PRORP: variants seen among roughly 807,000 people sequenced by gnomAD.
The protein encoded by PRORP is protein only RNase P catalytic subunit.
PRORP carries 51 observed loss-of-function variants against 59.4 expected under a neutral mutation model. That is an observed-to-expected ratio of 0.86 (90% CI 0.69 to 1.08). The LOEUF is 1.08. PRORP is among the 50% of genes least tolerant of loss of function. The pLI is 0.00. For missense variants in PRORP, 646 were observed against 690.3 expected, an observed-to-expected ratio of 0.94 and a Z score of 0.72; for synonymous variants, 231 against 245.6, an observed-to-expected ratio of 0.94 and a Z score of 0.55.
At chr14:35,149,769 CT>C (rs2047698458) in intron 4 of PRORP, among the ~76,000 whole-genome samples, 2 of 152,186 alleles carry the variant, frequency 1.3e-5, no homozygotes, top group South Asian at 4.1e-4. Flanking sequence ...AGTAGCACTT[CT>C]GATTTCTTTC....
At position 35,199,311 on chromosome 14, in the gene PRORP, G is replaced by A. The variant is rs141995946; in HGVS notation, c.1275+18534G>A. Among the ~76,000 whole-genome samples the A allele has an allele frequency of 2.5e-4, 37 of 150,094 alleles. No homozygotes were observed. In the East Asian group the frequency reaches 7.0e-3, roughly 28 times the overall value. On this transcript the variant is annotated intron_variant, in intron 5 of 7. Coordinates refer to ENST00000534898, the MANE Select transcript of PRORP (RefSeq NM_014672.4). ...GATTGCACCACTGCACTCCAGCCTG[G>A]CGAGAGAGTGAGACTCCATCTAAAA...
intron 4 of PRORP, among the ~76,000 whole-genome samples, chr14:35,150,981 C>T (rs987765799): frequency 1.3e-5 from 2 of 152,178 alleles, no homozygotes; most frequent in Admixed American, 6.5e-5. Flanking sequence ...GTGATCTTTT[C>T]TCTCTCAGAT....
chr14:35,216,514 G>A (rs1048823715), intron 5 of PRORP, among the ~76,000 whole-genome samples: 10 of 152,016 alleles, frequency 6.6e-5, no homozygotes, highest in African/African-American at 2.2e-4. Context: ...TCACTAGGTT[G>A]TCCACACTGG....
rs1329322291 is a variant in PRORP, at chr14:35,124,210, G to T, written c.965G>T (p.Ser322Ile). The change falls in exon 2 of 8, where the codon AGT (serine) becomes ATT (isoleucine). Residue 322 changes from serine (S) to isoleucine (I), a missense_variant. Coordinates refer to ENST00000534898, the MANE Select transcript of PRORP (RefSeq NM_014672.4). ...TATCCAGGGGAGTCATTTGCACACA[G>T]TATAAAAACATGGTTTGAGAGGTAA... ...QLYPGESFAH[S>I]IKTWFESVPG... 1 of 1,542,466 alleles carries T rather than the reference G, an allele frequency of 6.5e-7. No homozygotes were observed. Among genetic ancestry groups the T allele is most frequent in the Non-Finnish European group, 8.7e-7 (1 of 1,149,398 alleles).
At chr14:35,132,233 G>C (rs1326266884) in intron 4 of PRORP, among the ~76,000 whole-genome samples, 2 of 150,946 alleles carry the variant, frequency 1.3e-5, no homozygotes, top group Non-Finnish European at 3.0e-5. Context: ...TGAGGTGGGT[G>C]GATCAGCTGG....
intron 5 of PRORP, among the ~76,000 whole-genome samples, chr14:35,192,734 C>A (rs768651953): frequency 6.6e-6 from 1 of 152,086 alleles, no homozygotes; most frequent in Non-Finnish European, 1.5e-5. Context: ...CACACCTGTA[C>A]TGTAATCCCA....
chr14:35,212,985 C>T (rs1389746957), intron 5 of PRORP, among the ~76,000 whole-genome samples: 2 of 152,242 alleles, frequency 1.3e-5, no homozygotes, highest in Admixed American at 6.5e-5. Flanking sequence ...TCCATCAGCA[C>T]TTGCTACTTC....
At chr14:35,267,232 A>G (rs1161660048) in intron 6 of PRORP, among the ~76,000 whole-genome samples, 1 of 152,330 alleles carries the variant, frequency 6.6e-6, no homozygotes, top group Non-Finnish European at 1.5e-5. Flanking sequence ...TTGGAGAAAG[A>G]GCAGTGAAAA....
intron 5 of PRORP, chr14:35,235,689 A>G: frequency 2.8e-6 from 1 of 353,102 alleles, no homozygotes; most frequent in Non-Finnish European, 5.6e-6. Context: ...CTGTAGACCA[A>G]GCAAAAGTTG....
At chr14:35,224,612 C>A (rs1050081134) in intron 5 of PRORP, among the ~76,000 whole-genome samples, 1 of 152,192 alleles carries the variant, frequency 6.6e-6, no homozygotes, top group African/African-American at 2.4e-5. Flanking sequence ...AATATATTTT[C>A]TTCCTAAAGT....
chr14:35,215,712 G>A (rs28420123), intron 5 of PRORP, among the ~76,000 whole-genome samples: 5,019 of 152,008 alleles, frequency 0.033, 255 homozygotes, highest in African/African-American at 0.11. Flanking sequence ...CTATGATTGA[G>A]CAATTATTTC....
Position 35,180,728 on chromosome 14 carries a change from A to G in PRORP, c.1226A>G (p.Asp409Gly), listed in dbSNP as rs965942319. 3.1e-6 allele frequency: 5 copies of G among 1,613,290 alleles called. No individual in the cohort carries two copies. In the Admixed American group the frequency reaches 5.0e-5, roughly 16 times the overall value. The change falls in exon 5 of 8, where the codon GAT becomes GGT. Residue 409 changes from aspartate (D) to glycine (G), a missense_variant. Transcript: ENST00000534898. ...CGTCCTCCTTTTGATGTTGTCATTGATGGTCTCAATGTTGCCAAAATGTTT... is the reference window on the plus strand; with the variant it reads ...CGTCCTCCTTTTGATGTTGTCATTGGTGGTCTCAATGTTGCCAAAATGTTT... The part of the protein sequence containing the change: ...KSRPPFDVVI[D>G]GLNVAKMFPK...
chr14:35,125,268 C>T (rs1255930022), intron 2 of PRORP, among the ~76,000 whole-genome samples: 2 of 152,122 alleles, frequency 1.3e-5, no homozygotes, highest in African/African-American at 4.8e-5. Flanking sequence ...TTAACCCTTC[C>T]AGTTTGTTTT....
chr14:35,267,683 A>G (rs1238999924), intron 6 of PRORP, among the ~76,000 whole-genome samples: 3 of 152,014 alleles, frequency 2.0e-5, no homozygotes, highest in African/African-American at 7.2e-5. Context: ...GAGGAGGCTG[A>G]GGCAGGAGAA....
chr14:35,205,412 A>ACT (rs1046850593), intron 5 of PRORP, among the ~76,000 whole-genome samples: 81 of 152,048 alleles, frequency 5.3e-4, no homozygotes, highest in African/African-American at 1.9e-3. Flanking sequence ...CTGGTCTCGA[A>ACT]CTCCTGACCT....
intron 5 of PRORP, among the ~76,000 whole-genome samples, chr14:35,188,116 G>C (rs1018189903): frequency 6.6e-6 from 1 of 151,272 alleles, no homozygotes; most frequent in Non-Finnish European, 1.5e-5. Flanking sequence ...ATGGGCATGA[G>C]CTACCGTGCC....
At chr14:35,154,350 T>A (rs999041521) in intron 4 of PRORP, among the ~76,000 whole-genome samples, 3 of 152,228 alleles carry the variant, frequency 2.0e-5, no homozygotes, top group South Asian at 2.1e-4. Context: ...TCTACCTTTC[T>A]CCTTTCCTTA....
At chr14:35,245,537 T>TG (rs1050264468) in intron 5 of PRORP, among the ~76,000 whole-genome samples, 26 of 152,034 alleles carry the variant, frequency 1.7e-4, no homozygotes, top group African/African-American at 6.0e-4. Flanking sequence ...CCCAGCTACT[T>TG]GGGGGGCTGA....
At chr14:35,139,109 T>C (rs1248303383) in intron 4 of PRORP, among the ~76,000 whole-genome samples, 1 of 145,636 alleles carries the variant, frequency 6.9e-6, no homozygotes. Context: ...TGATTTTTCA[T>C]ACAAGTCCTT....
Sources: gnomAD v4.1 joint callset for allele counts (sites outside exome capture counted in the v4.1 genomes callset) on GRCh38, gnomAD v4.1.1 for gene constraint, MANE v1.5 for transcripts, NCBI Gene and HGNC (gene_info 2026-07-23, HGNC 2026-07-21) for gene names.